The following DENND1A variants were observed in gnomAD, a reference collection of about 807,000 sequenced individuals.
DENND1A encodes DENN domain-containing protein 1A.
Under a neutral mutation model 113.7 loss-of-function variants are expected in DENND1A, and 51 were observed. That is an observed-to-expected ratio of 0.45 (90% confidence interval 0.36 to 0.57). DENND1A has a LOEUF of 0.57. Among genes scored for constraint, DENND1A ranks in the 20% least tolerant of loss-of-function variants. The probability of loss-of-function intolerance (pLI) is 0.00; values close to 1 mark genes in which losing one functional copy is unlikely to be tolerated. For missense variants in DENND1A, 1,258 were observed against 1,395.9 expected (o/e 0.90, Z 1.57); for synonymous variants, 565 against 570.8 (o/e 0.99, Z 0.14).
intron 1 of DENND1A, among the ~76,000 whole-genome samples, chr9:123,918,765 T>C (rs1855697982): frequency 6.6e-6 from 1 of 152,146 alleles, no homozygotes. Context: ...CCAGCTAGTA[T>C]GAAGAAGAAG....
intron 12 of DENND1A, among the ~76,000 whole-genome samples, chr9:123,574,212 G>A (rs113575900): frequency 0.02 from 2,771 of 137,276 alleles, 43 homozygotes; most frequent in Non-Finnish European, 0.028. Flanking sequence ...TATTTATCTG[G>A]TTTTCAAGTT....
Position 123,382,049 on chromosome 9 carries a change from G to C in DENND1A, c.2596C>G (p.Pro866Ala). 1.1e-5 allele frequency: 16 copies of C among 1,499,990 alleles called. No individual in the cohort carries two copies. The highest frequency in any genetic ancestry group is 1.2e-5 in the Non-Finnish European group (14 of 1,127,112). The allele number at this position is 1,499,990 out of a possible 1,614,324, so 92.9% of individuals were successfully genotyped here. Residue 866 changes from proline (P) to alanine (A), a missense_variant, in exon 24 of 24, where the codon CCG becomes GCG. Physicochemically the swap from Pro to Ala is conservative, Grantham distance 27. This residue lies in a region of DENND1A where 1,159 missense variants were observed against 1,231.7 expected (regional missense o/e 0.94). Coordinates refer to ENST00000394215, the MANE Select transcript of DENND1A (RefSeq NM_001352964.2). ...GGGGTGAATGGGGTGGCTACATTCG[G>C]GGTGGCGGGGCGTGACGGGAGGGTG... ...GSTLPSRPATPNVATPFTPQF... is the reference protein window; with the variant it reads ...GSTLPSRPATANVATPFTPQF...
intron 21 of DENND1A, among the ~76,000 whole-genome samples, chr9:123,393,084 C>T (rs868815706): frequency 1.6e-4 from 24 of 152,282 alleles, no homozygotes; most frequent in African/African-American, 4.3e-4. Flanking sequence ...GGGCTGGTTC[C>T]ACATCTTTGC....
chr9:123,806,010 G>A (rs1019943574), intron 2 of DENND1A, among the ~76,000 whole-genome samples: 1 of 152,144 alleles, frequency 6.6e-6, no homozygotes, highest in African/African-American at 2.4e-5. Flanking sequence ...CTGGAGTGCA[G>A]TGGCACTATC....
intron 21 of DENND1A, among the ~76,000 whole-genome samples, chr9:123,391,775 A>G (rs1041545860): frequency 3.3e-5 from 5 of 151,444 alleles, no homozygotes; most frequent in Admixed American, 2.0e-4. Flanking sequence ...AAAAAAAAAA[A>G]AAAAAGCACC....
At chr9:123,656,128 G>C (rs1324773701) in intron 8 of DENND1A, among the ~76,000 whole-genome samples, 1 of 152,210 alleles carries the variant, frequency 6.6e-6, no homozygotes, top group Non-Finnish European at 1.5e-5. Flanking sequence ...GAAGACATTT[G>C]GTCTGGGCCT....
At chr9:123,425,034 G>C (rs183078814) in intron 19 of DENND1A, among the ~76,000 whole-genome samples, 43 of 152,362 alleles carry the variant, frequency 2.8e-4, no homozygotes, top group Admixed American at 2.5e-3. Flanking sequence ...AGCAGCCTCT[G>C]GCACAGCACT....
intron 12 of DENND1A, among the ~76,000 whole-genome samples, chr9:123,575,158 G>A (rs1421247720): frequency 6.6e-6 from 1 of 152,324 alleles, no homozygotes; most frequent in South Asian, 2.1e-4. Flanking sequence ...GGGGGTGGTG[G>A]AGAGGTGCAA....
intron 9 of DENND1A, among the ~76,000 whole-genome samples, chr9:123,642,942 C>T (rs116831690): frequency 3.1e-4 from 47 of 152,304 alleles, no homozygotes; most frequent in African/African-American, 9.6e-4. Context: ...GTAGCAAAAA[C>T]GAAGCCAAAT....
At chr9:123,840,922 C>G (rs1841734659) in intron 2 of DENND1A, among the ~76,000 whole-genome samples, 2 of 152,106 alleles carry the variant, frequency 1.3e-5, no homozygotes, top group Admixed American at 1.3e-4. Context: ...TACTAAAGAG[C>G]AAAATAGCAT....
At chr9:123,925,590 T>C (rs1056708337) in intron 1 of DENND1A, among the ~76,000 whole-genome samples, 3 of 152,352 alleles carry the variant, frequency 2.0e-5, no homozygotes, top group Admixed American at 6.5e-5. Context: ...TTGTTCATCT[T>C]TGTGTCCCCA....
chr9:123,478,131 C>T (rs1047359559), intron 13 of DENND1A, among the ~76,000 whole-genome samples: 6 of 152,100 alleles, frequency 3.9e-5, no homozygotes, highest in African/African-American at 1.2e-4. Flanking sequence ...TAGGCAATGC[C>T]GAGAAAAGAG....
intron 13 of DENND1A, among the ~76,000 whole-genome samples, chr9:123,513,393 T>G (rs755220971): frequency 2.0e-5 from 3 of 152,196 alleles, no homozygotes; most frequent in Non-Finnish European, 4.4e-5. Context: ...AGAAACACTT[T>G]TTAGGGTGGG....
chr9:123,556,629 A>G (rs1430738120), intron 13 of DENND1A, among the ~76,000 whole-genome samples: 1 of 152,126 alleles, frequency 6.6e-6, no homozygotes, highest in Admixed American at 6.5e-5. Flanking sequence ...CTTACACCCA[A>G]CTCTGATTCT....
intron 3 of DENND1A, among the ~76,000 whole-genome samples, chr9:123,772,662 T>C (rs1030285392): frequency 1.3e-5 from 2 of 152,184 alleles, no homozygotes; most frequent in African/African-American, 4.8e-5. Flanking sequence ...AATTCCCAAG[T>C]TTATATTTTC....
intron 13 of DENND1A, among the ~76,000 whole-genome samples, chr9:123,526,273 C>T (rs927650794): frequency 6.6e-6 from 1 of 152,110 alleles, no homozygotes; most frequent in African/African-American, 2.4e-5. Context: ...TCTCTTCTGG[C>T]TTCCTTTCCC....
chr9:123,677,951 T>C (rs1380778740), intron 5 of DENND1A, among the ~76,000 whole-genome samples: 1 of 152,128 alleles, frequency 6.6e-6, no homozygotes, highest in African/African-American at 2.4e-5. Context: ...CCTGGTATCT[T>C]TGAGCCTGCC....
intron 19 of DENND1A, among the ~76,000 whole-genome samples, chr9:123,424,071 C>T (rs1333351193): frequency 6.6e-6 from 1 of 152,118 alleles, no homozygotes; most frequent in Non-Finnish European, 1.5e-5. Flanking sequence ...GCTTACAGCA[C>T]TCTGGGAGAG....
intron 1 of DENND1A, among the ~76,000 whole-genome samples, chr9:123,879,647 A>G (rs1007703105): frequency 6.6e-6 from 1 of 152,162 alleles, no homozygotes; most frequent in East Asian, 1.9e-4. Flanking sequence ...CACATTTCCA[A>G]TTTCCACAGC....
Sources: gnomAD v4.1 joint callset for allele counts (sites outside exome capture counted in the v4.1 genomes callset) on GRCh38, gnomAD v4.1.1 for gene constraint, gnomAD v4.1.1 regional missense constraint, MANE v1.5 for transcripts, NCBI Gene and HGNC (gene_info 2026-07-23, HGNC 2026-07-21) for gene names.